Variants in CBLN2 observed in about 807,000 individuals in gnomAD.
The protein encoded by CBLN2 is cerebellin 2 precursor.
CBLN2 carries 7 observed loss-of-function variants against 15.0 expected under a neutral mutation model. The ratio of observed to expected loss-of-function variants is 0.47; its 90% confidence interval spans 0.27 to 0.88. The LOEUF (loss-of-function observed/expected upper bound fraction) is 0.88. Among genes scored for constraint, CBLN2 ranks in the 40% least tolerant of loss-of-function variants. CBLN2 has a pLI of 0.14. For missense variants in CBLN2, 242 were observed against 304.5 expected, an observed-to-expected ratio of 0.79 and a Z score of 1.53; for synonymous variants, 149 against 135.2, an observed-to-expected ratio of 1.10 and a Z score of -0.71.
Position 72,541,960 on chromosome 18 carries a change from C to T in CBLN2, c.201G>A (p.Val67=), listed in dbSNP as rs745730549. 2 of 1,607,182 alleles carry T rather than the reference C, an allele frequency of 1.2e-6. No individual in the cohort carries two copies. Among genetic ancestry groups the T allele is most frequent in the Admixed American group, 3.3e-5 (2 of 59,912 alleles). Residue 67 remains valine, a synonymous_variant, in exon 3 of 5, where the codon GTG becomes GTA. Coordinates refer to ENST00000269503, the MANE Select transcript of CBLN2 (RefSeq NM_182511.4). ...PIVLEGKCLV[V]CDSSPSADGA... ...CGTCCGCCGACGGGCTGGAGTCGCA[C>T]ACCACCAGGCACTTGCCCTCCAGCA...
chr18:72,586,776 ACTAT>A (rs1244803492), intron 1 of CBLN2, among the ~76,000 whole-genome samples: 2 of 152,156 alleles, frequency 1.3e-5, no homozygotes, highest in East Asian at 3.9e-4. Context: ...ATAGGCATTA[ACTAT>A]CTAAGAGAAT....
intron 1 of CBLN2, among the ~76,000 whole-genome samples, chr18:72,600,998 T>C (rs771440911): frequency 2.0e-5 from 3 of 152,228 alleles, no homozygotes; most frequent in Non-Finnish European, 2.9e-5. Context: ...ACAATAGTGA[T>C]GTTACCCACA....
chr18:72,579,182 A>G (rs1380800523), intron 1 of CBLN2, among the ~76,000 whole-genome samples: 1 of 152,222 alleles, frequency 6.6e-6, no homozygotes, highest in Non-Finnish European at 1.5e-5. Context: ...TCATTAAATA[A>G]GATAGTAAAA....
At chr18:72,585,071 A>G (rs977203677) in intron 1 of CBLN2, among the ~76,000 whole-genome samples, 2 of 152,202 alleles carry the variant, frequency 1.3e-5, no homozygotes, top group African/African-American at 4.8e-5. Flanking sequence ...GTACCAGGGA[A>G]TGCAATGGTG....
chr18:72,615,294 A>G (rs1386553610), intron 1 of CBLN2, among the ~76,000 whole-genome samples: 2 of 124,818 alleles, frequency 1.6e-5, no homozygotes, highest in Admixed American at 1.8e-4. Context: ...TTTTTTTTTG[A>G]GACAGAGTTT....
At position 72,537,662 on chromosome 18, in the gene CBLN2, G is replaced by C. The variant is rs948328516; in HGVS notation, c.*514C>G. 6.5e-6 allele frequency: 1 copy of C among 154,304 alleles called. No individual in the cohort carries two copies. The highest frequency in any genetic ancestry group is 2.4e-5 in the African/African-American group (1 of 41,434). The allele number at this position is 154,304 out of a possible 1,614,324, so 9.6% of individuals were successfully genotyped here. The stretch of plus-strand genomic sequence containing the variant: ...CCCAAGTCCTCCCAGCCACATGGTG[G>C]GGGGAAGAATACAGAATGAAAGTGA... On this transcript the variant is annotated 3_prime_UTR_variant, in exon 5 of 5. Coordinates refer to ENST00000269503, the MANE Select transcript of CBLN2 (RefSeq NM_182511.4).
At chr18:72,596,402 A>G (rs2069513973) in intron 1 of CBLN2, among the ~76,000 whole-genome samples, 1 of 152,008 alleles carries the variant, frequency 6.6e-6, no homozygotes, top group South Asian at 2.1e-4. Context: ...AGTTATAATT[A>G]TTTTTGATCA....
intron 1 of CBLN2, among the ~76,000 whole-genome samples, chr18:72,615,170 TATATATTTATATATTATATATAA>T (rs1407248215): frequency 1.5e-5 from 2 of 133,006 alleles, no homozygotes; most frequent in Non-Finnish European, 3.2e-5. Flanking sequence ...TATATATAAA[TATATATTTATATATTATATATAA>T]ATATATATTT....
At chr18:72,579,097 G>A (rs1435476463) in intron 1 of CBLN2, among the ~76,000 whole-genome samples, 2 of 152,118 alleles carry the variant, frequency 1.3e-5, no homozygotes, top group African/African-American at 4.8e-5. Flanking sequence ...TGTTGCTTTT[G>A]AGTAAGAGAA....
chr18:72,572,585 GT>G (rs2069339212), intron 1 of CBLN2, among the ~76,000 whole-genome samples: 1 of 152,004 alleles, frequency 6.6e-6, no homozygotes, highest in Non-Finnish European at 1.5e-5. Context: ...ATTATCATCA[GT>G]TTTACTGCCT....
At chr18:72,594,217 C>A (rs956933863) in intron 1 of CBLN2, among the ~76,000 whole-genome samples, 1 of 152,120 alleles carries the variant, frequency 6.6e-6, no homozygotes, top group African/African-American at 2.4e-5. Flanking sequence ...ACCACCATAG[C>A]ATGTGTATAC....
Position 72,615,379 on chromosome 18 carries a change from C to T in CBLN2, c.15+22946G>A, listed in dbSNP as rs529141906. On this transcript the variant is annotated intron_variant, in intron 1 of 2. Coordinates refer to the CBLN2 transcript ENST00000581073. The stretch of plus-strand genomic sequence containing the variant: ...GCAACCTCCTCCTCCCGGGTTCAAA[C>T]GATTCTCCTGCCTCAGCCTCCAGAG... Among the ~76,000 whole-genome samples, 34 of 150,268 alleles carry T rather than the reference C, an allele frequency of 2.3e-4. No individual in the cohort carries two copies. In the East Asian group the frequency reaches 4.1e-3, roughly 18 times the overall value.
chr18:72,607,457 G>A (rs2069590637), intron 1 of CBLN2, among the ~76,000 whole-genome samples: 2 of 152,178 alleles, frequency 1.3e-5, no homozygotes, highest in Admixed American at 6.5e-5. Flanking sequence ...CCTTTCTCCT[G>A]TAGGATCAGT....
intron 1 of CBLN2, among the ~76,000 whole-genome samples, chr18:72,627,622 A>T (rs2069748883): frequency 6.6e-6 from 1 of 152,216 alleles, no homozygotes; most frequent in Admixed American, 6.5e-5. Flanking sequence ...AGGGGCAGAT[A>T]CTTTGAGGAC....
intron 1 of CBLN2, among the ~76,000 whole-genome samples, chr18:72,634,965 G>A (rs1281609281): frequency 1.3e-5 from 2 of 152,012 alleles, no homozygotes; most frequent in African/African-American, 4.8e-5. Context: ...CCAAAGACAT[G>A]CTTCCTTCCT....
intron 1 of CBLN2, among the ~76,000 whole-genome samples, chr18:72,593,530 G>A (rs1395611183): frequency 6.6e-6 from 1 of 152,090 alleles, no homozygotes; most frequent in East Asian, 1.9e-4. Context: ...GCTGTAGGTG[G>A]GACTACCAGT....
At chr18:72,539,125 G>A in intron 3 of CBLN2, 1 of 207,100 alleles carries the variant, frequency 4.8e-6, no homozygotes, top group South Asian at 9.4e-5. Context: ...ATTGAGTCCA[G>A]GGAGGTCTGT....
At chr18:72,563,541 G>A (rs887831482) in intron 1 of CBLN2, among the ~76,000 whole-genome samples, 3 of 152,030 alleles carry the variant, frequency 2.0e-5, no homozygotes, top group African/African-American at 7.2e-5. Context: ...GCAAGGAAGT[G>A]GTAAAGATTC....
At chr18:72,578,073 C>A (rs1037544695) in intron 1 of CBLN2, among the ~76,000 whole-genome samples, 2 of 152,126 alleles carry the variant, frequency 1.3e-5, no homozygotes, top group Admixed American at 6.6e-5. Flanking sequence ...ACTAAGTTCA[C>A]CTTTTGAAGC....
Sources: allele counts gnomAD v4.1 joint callset (sites outside exome capture counted in the v4.1 genomes callset), GRCh38; gene constraint gnomAD v4.1.1; transcripts MANE v1.5; gene names NCBI Gene and HGNC (gene_info 2026-07-23, HGNC 2026-07-21).